Variants in SACM1L observed in about 807,000 individuals in gnomAD.
The protein encoded by SACM1L is phosphatidylinositol-3-phosphatase SAC1.
A neutral mutation model predicts 89.5 loss-of-function variants in SACM1L; 32 were observed. The observed-to-expected ratio is 0.36, with a 90% CI of 0.27 to 0.48. SACM1L has a LOEUF of 0.48. Ranked by LOEUF, SACM1L falls within the 20% of genes least tolerant of loss-of-function variation. SACM1L has a pLI of 0.99. For synonymous variants in SACM1L, 213 were observed against 232.8 expected (o/e 0.92, Z 0.77); for missense variants, 543 against 708.5 (o/e 0.77, Z 2.65).
chr3:45,731,472 T>TCA (rs1699052755), intron 12 of SACM1L, 92 bp downstream of exon 12: 1 of 714,060 alleles, frequency 1.4e-6, no homozygotes, highest in Admixed American at 3.0e-5. Context: ...GACATATGTT[T>TCA]CAGCTTGCAT....
At chr3:45,722,733 G>C in intron 9 of SACM1L, 136 bp from the exon 10 acceptor site, 1 of 574,968 alleles carries the variant, frequency 1.7e-6, no homozygotes, top group Non-Finnish European at 3.0e-6. Context: ...GATACACGTG[G>C]ACTTTTAAAG....
chr3:45,713,108 A>G (rs1575395814), intron 5 of SACM1L, 29 bp from the exon 6 acceptor site: 1 of 1,571,520 alleles, frequency 6.4e-7, no homozygotes, highest in South Asian at 1.1e-5. Flanking sequence ...GGCAGGAGAT[A>G]TTTTATTAAA....
At chr3:45,697,947 C>T (rs969674436) in intron 1 of SACM1L, among the ~76,000 whole-genome samples, 3 of 152,052 alleles carry the variant, frequency 2.0e-5, no homozygotes, top group Admixed American at 2.0e-4. Context: ...TCTTGTCTTC[C>T]GAAATCCATT....
chr3:45,705,403 A>G (rs573680559), intron 3 of SACM1L, among the ~76,000 whole-genome samples, 194 bp downstream of exon 3: 1 of 151,914 alleles, frequency 6.6e-6, no homozygotes, highest in African/African-American at 2.4e-5. Context: ...GTGAGCTTCT[A>G]TTATTTAAAA....
rs1483488090 is a variant in SACM1L, at chr3:45,722,729, CG to C, written c.766-139del. 4 of 569,070 alleles carry C rather than the reference CG, an allele frequency of 7.0e-6. No homozygotes were observed. In the African/African-American group the frequency reaches 7.6e-5, roughly 11 times the overall value. The allele number at this position is 569,070 out of a possible 1,614,324, so 35.3% of individuals were successfully genotyped here. On this transcript the variant is annotated intron_variant, in intron 9 of 19. Transcript: ENST00000389061. Reference sequence around the variant, plus strand: ...AATATGAACTTTAGGAGCAGATACACGTGGACTTTTAAAGTTGTCGGTAGAT... The same window carrying C: ...AATATGAACTTTAGGAGCAGATACACTGGACTTTTAAAGTTGTCGGTAGAT...
rs1231735671 is a variant in SACM1L, at chr3:45,711,974, A to G, written c.484-1163A>G. Among the ~76,000 whole-genome samples, 3 of 152,232 alleles carry G rather than the reference A, an allele frequency of 2.0e-5. No homozygotes were observed. In the East Asian group the frequency reaches 5.8e-4, roughly 29 times the overall value. On this transcript the variant is annotated intron_variant, in intron 5 of 19. Transcript: ENST00000389061. Reference sequence around the variant, plus strand: ...TTGCCTCTTATCAAGTTACATTCCAAATCATTTAACTTTATAGAAACAGCA... The same window carrying G: ...TTGCCTCTTATCAAGTTACATTCCAGATCATTTAACTTTATAGAAACAGCA...
At chr3:45,698,015 A>G (rs1041668196) in intron 1 of SACM1L, among the ~76,000 whole-genome samples, 1 of 152,258 alleles carries the variant, frequency 6.6e-6, no homozygotes, top group Non-Finnish European at 1.5e-5. Flanking sequence ...AAAAATAGCA[A>G]TAAAACAATA....
intron 1 of SACM1L, among the ~76,000 whole-genome samples, chr3:45,692,234 C>G (rs1401996173): frequency 6.6e-6 from 1 of 152,062 alleles, no homozygotes; most frequent in African/African-American, 2.4e-5. Flanking sequence ...GGGCATAGTA[C>G]TTAATCCTTC....
At chr3:45,727,287 T>C (rs554935123) in intron 11 of SACM1L, among the ~76,000 whole-genome samples, 64 of 152,344 alleles carry the variant, frequency 4.2e-4, no homozygotes, top group African/African-American at 1.4e-3. Context: ...AGTGGTTCAG[T>C]ATGTTGTTTG....
At chr3:45,705,270 A>G in intron 3 of SACM1L, 61 bp downstream of exon 3, 1 of 982,716 alleles carries the variant, frequency 1.0e-6, no homozygotes, top group Non-Finnish European at 1.6e-6. Flanking sequence ...TAAATTGTTA[A>G]TATTAGAGTG....
At chr3:45,698,918 G>A (rs9809868) in intron 1 of SACM1L, among the ~76,000 whole-genome samples, 73,335 of 151,770 alleles carry the variant, frequency 0.48, 18,249 homozygotes, top group Middle Eastern at 0.57. Context: ...CTACAGGCAC[G>A]TGCCACCGCA....
intron 13 of SACM1L, 52 bp from the exon 14 acceptor site, chr3:45,735,183 T>G (rs1277593644): frequency 3.9e-6 from 6 of 1,532,242 alleles, no homozygotes. Context: ...GTTAAGTCCT[T>G]AGTAAATCTG....
At chr3:45,715,957 T>C (rs979346785) in intron 7 of SACM1L, among the ~76,000 whole-genome samples, 3 of 152,138 alleles carry the variant, frequency 2.0e-5, no homozygotes, top group African/African-American at 7.2e-5. Flanking sequence ...TACCTTTAAA[T>C]TGAAAGCTTT....
chr3:45,704,768 GAC>G (rs894509471), intron 2 of SACM1L, among the ~76,000 whole-genome samples: 3 of 152,190 alleles, frequency 2.0e-5, no homozygotes, highest in African/African-American at 7.2e-5. Flanking sequence ...TCATCAGTAA[GAC>G]ACATGATAAA....
chr3:45,692,682 C>T (rs780865785), intron 1 of SACM1L, among the ~76,000 whole-genome samples: 1 of 152,176 alleles, frequency 6.6e-6, no homozygotes, highest in Non-Finnish European at 1.5e-5. Flanking sequence ...CTTTCCATGT[C>T]TTTTCCTTCA....
At position 45,739,604 on chromosome 3, in the gene SACM1L, T is replaced by G. The variant is rs759756839; in HGVS notation, c.1587T>G (p.Val529=). ...TTTTCCAGTTGCCTATTATCATGGTTGTTGCCTTTTCAATGTGCATTATCT... is the reference window on the plus strand; with the variant it reads ...TTTTCCAGTTGCCTATTATCATGGTGGTTGCCTTTTCAATGTGCATTATCT... The part of the protein sequence containing the change: ...WKFLALPIIM[V]VAFSMCIICL... The change falls in exon 19 of 20, where the codon GTT becomes GTG. Residue 529 remains valine (V), a synonymous_variant. Transcript: ENST00000389061. The G allele has an allele frequency of 3.1e-6, 5 of 1,614,172 alleles. No individual in the cohort carries two copies. In the South Asian group the frequency reaches 3.3e-5, roughly 11 times the overall value.
At chr3:45,725,042 C>T (rs906659073) in intron 11 of SACM1L, among the ~76,000 whole-genome samples, 6 of 152,096 alleles carry the variant, frequency 3.9e-5, no homozygotes, top group Non-Finnish European at 7.4e-5. Context: ...CATTGGTCTC[C>T]GTGTCTGTCC....
chr3:45,715,736 T>C (rs1698638856), intron 7 of SACM1L, among the ~76,000 whole-genome samples: 1 of 149,770 alleles, frequency 6.7e-6, no homozygotes, highest in Admixed American at 6.7e-5. Flanking sequence ...ATCGTGCCAC[T>C]GCACTCCAGC....
rs2248991 is a variant in SACM1L, at chr3:45,713,257, G to C, written c.543+61G>C. 3 of 1,217,880 alleles carry C rather than the reference G, an allele frequency of 2.5e-6. No individual in the cohort carries two copies. In the Admixed American group the frequency reaches 5.9e-5, roughly 24 times the overall value. 75.4% of individuals were successfully genotyped at this position (1,217,880 alleles called of 1,614,324 possible). A position where few individuals can be genotyped will look rare whatever the true frequency, so the allele number is the denominator to read the frequency against. On this transcript the variant is annotated intron_variant, in intron 6 of 19. Coordinates refer to ENST00000389061, the MANE Select transcript of SACM1L (RefSeq NM_014016.5). ...CAGTCCAAGCTTTAATTCAATGCATGCTATAAAGTGACTTCCTAATCACCA... is the reference window on the plus strand; with the variant it reads ...CAGTCCAAGCTTTAATTCAATGCATCCTATAAAGTGACTTCCTAATCACCA...
Sources: allele counts gnomAD v4.1 joint callset (sites outside exome capture counted in the v4.1 genomes callset), GRCh38; gene constraint gnomAD v4.1.1; transcripts MANE v1.5; gene names NCBI Gene and HGNC (gene_info 2026-07-23, HGNC 2026-07-21).